TAF1B: variants seen among roughly 807,000 people sequenced by gnomAD.
TAF1B encodes TATA box-binding protein-associated factor RNA polymerase I subunit B.
TAF1B carries 61 observed loss-of-function variants against 83.9 expected under a neutral mutation model. The observed-to-expected ratio is 0.73, with a 90% CI of 0.59 to 0.90. The LOEUF is 0.90. TAF1B is among the 40% of genes least tolerant of loss of function. The pLI, the probability that TAF1B is intolerant of heterozygous loss-of-function variation, is 0.00. For missense variants in TAF1B, 625 were observed against 677.0 expected, an observed-to-expected ratio of 0.92 and a Z score of 0.85; for synonymous variants, 221 against 224.6, an observed-to-expected ratio of 0.98 and a Z score of 0.14.
intron 5 of TAF1B, among the ~76,000 whole-genome samples, chr2:9,861,124 G>A (rs1054022367): frequency 3.9e-4 from 59 of 152,258 alleles, no homozygotes; most frequent in African/African-American, 2.9e-4. Context: ...GCAGCACACC[G>A]TGCATGAGCC....
chr2:9,860,371 A>G (rs1572221360), intron 5 of TAF1B, among the ~76,000 whole-genome samples: 1 of 152,328 alleles, frequency 6.6e-6, no homozygotes, highest in East Asian at 1.9e-4. Context: ...ATTGTTTGTA[A>G]CATACGCCAT....
intron 8 of TAF1B, among the ~76,000 whole-genome samples, chr2:9,883,779 A>G (rs1372801743): frequency 6.6e-6 from 1 of 152,260 alleles, no homozygotes; most frequent in Non-Finnish European, 1.5e-5. Flanking sequence ...CAAAGGATTA[A>G]GAGTACTCCC....
intron 8 of TAF1B, among the ~76,000 whole-genome samples, chr2:9,890,236 C>T (rs192973971): frequency 1.3e-5 from 2 of 152,284 alleles, no homozygotes; most frequent in Admixed American, 1.3e-4. Context: ...GGATTAGTGT[C>T]CATGCTGTCT....
intron 4 of TAF1B, chr2:9,851,862 A>C (rs538293047): frequency 5.2e-4 from 337 of 643,034 alleles, no homozygotes; most frequent in Admixed American, 1.5e-3. Flanking sequence ...TAAAGGTTTT[A>C]GTCTTCAGAT....
intron 7 of TAF1B, among the ~76,000 whole-genome samples, chr2:9,881,794 C>A (rs1664515986): frequency 6.6e-6 from 1 of 152,130 alleles, no homozygotes; most frequent in South Asian, 2.1e-4. Context: ...TTTCTTCAAA[C>A]TCAATAATTG....
At chr2:9,898,855 A>G (rs1665097463) in intron 8 of TAF1B, among the ~76,000 whole-genome samples, 1 of 151,642 alleles carries the variant, frequency 6.6e-6, no homozygotes, top group Non-Finnish European at 1.5e-5. Flanking sequence ...TTAAATTTCC[A>G]GCTTTATTAC....
intron 12 of TAF1B, among the ~76,000 whole-genome samples, chr2:9,918,823 G>T (rs1325280752): frequency 6.6e-6 from 1 of 152,174 alleles, no homozygotes; most frequent in African/African-American, 2.4e-5. Flanking sequence ...CAGCATCTGG[G>T]TGGCTTTTGA....
intron 2 of TAF1B, among the ~76,000 whole-genome samples, chr2:9,847,508 G>A (rs1206323313): frequency 1.3e-5 from 2 of 152,122 alleles, no homozygotes; most frequent in Non-Finnish European, 2.9e-5. Flanking sequence ...GGTGCAACTT[G>A]CCCTATTTTT....
At chr2:9,848,160 A>G (rs1040817742) in intron 2 of TAF1B, among the ~76,000 whole-genome samples, 6 of 151,892 alleles carry the variant, frequency 4.0e-5, no homozygotes, top group African/African-American at 1.5e-4. Flanking sequence ...GACGTGTCTT[A>G]TGTTTTCAGT....
At chr2:9,919,490 C>T (rs1419561660) in intron 13 of TAF1B, 108 bp from the exon 14 acceptor site, 7 of 960,280 alleles carry the variant, frequency 7.3e-6, no homozygotes, top group South Asian at 1.6e-5. Context: ...GGTACATCTG[C>T]GAAAACTAAG....
At chr2:9,927,273 A>T (rs983921723) in intron 14 of TAF1B, among the ~76,000 whole-genome samples, 26 of 152,186 alleles carry the variant, frequency 1.7e-4, no homozygotes, top group Non-Finnish European at 3.4e-4. Context: ...TCTATCATTG[A>T]AGGACATTTG....
intron 8 of TAF1B, among the ~76,000 whole-genome samples, chr2:9,901,235 A>G (rs1665168827): frequency 6.6e-6 from 1 of 152,204 alleles, no homozygotes; most frequent in Non-Finnish European, 1.5e-5. Context: ...GTGTTACTCA[A>G]AAAGGAAAAG....
chr2:9,887,971 G>T (rs1473130503), intron 8 of TAF1B, among the ~76,000 whole-genome samples: 1 of 151,968 alleles, frequency 6.6e-6, no homozygotes, highest in Non-Finnish European at 1.5e-5. Context: ...TTTTGCCTCA[G>T]CCTCCCTAGT....
At chr2:9,879,480 T>G (rs1365572556) in intron 7 of TAF1B, among the ~76,000 whole-genome samples, 2 of 152,226 alleles carry the variant, frequency 1.3e-5, no homozygotes, top group Non-Finnish European at 2.9e-5. Context: ...TTAACACTTA[T>G]GACTTGTTTA....
Position 9,904,884 on chromosome 2 carries a change from A to G in TAF1B, c.833A>G (p.Tyr278Cys), listed in dbSNP as rs776371933. The G allele has an allele frequency of 1.9e-6, 3 of 1,610,118 alleles. No individual in the cohort carries two copies. Among genetic ancestry groups the G allele is most frequent in the South Asian group, 1.1e-5 (1 of 91,004 alleles). ...TCTTGGCCTGACTACGAGGACATCT[A>G]CAAAAAAACAGTAGAAGTTGGAACA... ...IESWPDYEDIYKKTVEVGTFL... is the reference protein window; with the variant it reads ...IESWPDYEDICKKTVEVGTFL... The change falls in exon 9 of 15, where the codon TAC becomes TGC. Residue 278 changes from tyrosine to cysteine, a missense_variant. Transcript: ENST00000263663.
At chr2:9,889,162 C>T (rs1341583508) in intron 8 of TAF1B, among the ~76,000 whole-genome samples, 2 of 151,884 alleles carry the variant, frequency 1.3e-5, no homozygotes, top group Non-Finnish European at 2.9e-5. Context: ...CAAACTTGGA[C>T]ATTTTCATCC....
At chr2:9,878,344 C>T (rs1255394986) in intron 7 of TAF1B, among the ~76,000 whole-genome samples, 1 of 151,958 alleles carries the variant, frequency 6.6e-6, no homozygotes, top group Non-Finnish European at 1.5e-5. Flanking sequence ...CTGCCTTGGC[C>T]TCCCAAAATG....
chr2:9,849,397 G>A lies in TAF1B; in HGVS notation c.142G>A (p.Asp48Asn), dbSNP rs765896725. The A allele has an allele frequency of 3.1e-6, 5 of 1,597,062 alleles. No individual in the cohort carries two copies. In the African/African-American group the frequency reaches 5.4e-5, roughly 17 times the overall value. ...TERYQEVTNT[D>N]LIPNTQIKAL... is the part of the protein sequence containing the mutation. ...GAGATATCAGGAAGTTACAAACACT[G>A]ATCTTATTCCTAATACCCAAATAAA... is the stretch of plus-strand genomic sequence containing the variant. The change falls in exon 3 of 15, where the codon GAT (aspartate) becomes AAT (asparagine). Residue 48 changes from aspartate (D) to asparagine (N), a missense_variant. Physicochemically the swap from Asp to Asn is conservative, Grantham distance 23. Coordinates refer to ENST00000263663, the MANE Select transcript of TAF1B (RefSeq NM_005680.3).
At position 9,900,115 on chromosome 2, in the gene TAF1B, ATGAAACTATATTCCTAATCCAGTTTG is replaced by A. The variant is rs371948510; in HGVS notation, c.808-4742_808-4717del. 5.3e-5 allele frequency among the ~76,000 whole-genome samples: 8 copies of A among 152,332 alleles called. No individual in the cohort carries two copies. The East Asian group carries it at 1.5e-3, about 29-fold the overall frequency. ...ATAATGTTAGGTCAAAATTCAGGAGATGAAACTATATTCCTAATCCAGTTTGTACAAAAGCTCTCAGACAGGCAGGA... is the reference window on the plus strand; with the variant it reads ...ATAATGTTAGGTCAAAATTCAGGAGATACAAAAGCTCTCAGACAGGCAGGA... On this transcript the variant is annotated intron_variant, in intron 8 of 14. Transcript: ENST00000263663.
Sources: gnomAD v4.1 joint callset for allele counts (sites outside exome capture counted in the v4.1 genomes callset) on GRCh38, gnomAD v4.1.1 for gene constraint, MANE v1.5 for transcripts, NCBI Gene and HGNC (gene_info 2026-07-23, HGNC 2026-07-21) for gene names.